The following RPS6KC1 variants were observed in gnomAD, a reference collection of about 807,000 sequenced individuals.
RPS6KC1 encodes inactive ribosomal protein S6 kinase delta-1.
Under a neutral mutation model 103.8 loss-of-function variants are expected in RPS6KC1, and 54 were observed. The observed-to-expected ratio is 0.52, with a 90% CI of 0.42 to 0.65. The LOEUF is 0.65. Among genes scored for constraint, RPS6KC1 ranks in the 30% least tolerant of loss-of-function variants. RPS6KC1 has a pLI of 0.00. For missense variants in RPS6KC1, 1,151 were observed against 1,253.8 expected (o/e 0.92, Z 1.24); for synonymous variants, 439 against 438.7 (o/e 1.00, Z -0.01).
At chr1:213,563,038 T>C in the RPS6KC1 span, among the ~76,000 whole-genome samples, 3 of 152,252 alleles carry the variant, frequency 2.0e-5, no homozygotes, top group Non-Finnish European at 4.4e-5. Flanking sequence ...TTCATTTTTC[T>C]GTCTGCCTGA....
At chr1:213,847,757 G>A in the RPS6KC1 span, among the ~76,000 whole-genome samples, 7 of 152,192 alleles carry the variant, frequency 4.6e-5, no homozygotes, top group South Asian at 1.2e-3. Context: ...CCCCATCCAG[G>A]ATCCTCTCTC....
chr1:213,291,055 T>C, the RPS6KC1 span, among the ~76,000 whole-genome samples: 1 of 152,196 alleles, frequency 6.6e-6, no homozygotes, highest in African/African-American at 2.4e-5. Flanking sequence ...CCAGGCAAGT[T>C]CTTTAAGCCC....
At chr1:213,261,664 A>G (rs755941461) in intron 13 of RPS6KC1, 24 bp downstream of exon 13, 2 of 1,590,572 alleles carry the variant, frequency 1.3e-6, no homozygotes, top group South Asian at 1.1e-5. Flanking sequence ...TGGACGTTTA[A>G]TAAATTTACT....
intron 6 of RPS6KC1, among the ~76,000 whole-genome samples, chr1:213,134,046 T>C (rs149809096): frequency 6.6e-6 from 1 of 152,238 alleles, no homozygotes; most frequent in Non-Finnish European, 1.5e-5. Context: ...TTATTTCTTG[T>C]ATGTAGCAGG....
the RPS6KC1 span, among the ~76,000 whole-genome samples, chr1:213,717,246 G>A: frequency 3.9e-5 from 6 of 152,168 alleles, no homozygotes; most frequent in Non-Finnish European, 5.9e-5. Flanking sequence ...AAGATAAATC[G>A]CATAATGGAA....
At chr1:213,810,960 A>C in the RPS6KC1 span, among the ~76,000 whole-genome samples, 2 of 152,218 alleles carry the variant, frequency 1.3e-5, no homozygotes, top group Non-Finnish European at 2.9e-5. Context: ...AATGGGGTTT[A>C]CTTCCATGGG....
chr1:213,733,286 C>G, the RPS6KC1 span, among the ~76,000 whole-genome samples: 1 of 150,638 alleles, frequency 6.6e-6, no homozygotes, highest in Non-Finnish European at 1.5e-5. Flanking sequence ...GTCACCCAGG[C>G]TGCAGTACAG....
chr1:213,125,749 ACT>A (rs1360949178), intron 5 of RPS6KC1: 1 of 151,694 alleles, frequency 6.6e-6, no homozygotes, highest in Non-Finnish European at 1.5e-5. Context: ...ACTTAATCTT[ACT>A]ATCTTTCTCT....
chr1:213,139,856 A>G (rs1201299999), intron 6 of RPS6KC1, among the ~76,000 whole-genome samples: 2 of 151,776 alleles, frequency 1.3e-5, no homozygotes, highest in Non-Finnish European at 2.9e-5. Flanking sequence ...GAATTTTAGA[A>G]TTTTTTTTCT....
At chr1:213,379,073 A>G in the RPS6KC1 span, among the ~76,000 whole-genome samples, 1 of 152,178 alleles carries the variant, frequency 6.6e-6, no homozygotes, top group Non-Finnish European at 1.5e-5. Flanking sequence ...ATTGTTGTCT[A>G]ACTTCAGGCA....
chr1:213,484,367 A>G, the RPS6KC1 span, among the ~76,000 whole-genome samples: 2 of 152,166 alleles, frequency 1.3e-5, no homozygotes, highest in Non-Finnish European at 2.9e-5. Flanking sequence ...ATCTTCTTCC[A>G]TGCTCACCCA....
intron 6 of RPS6KC1, among the ~76,000 whole-genome samples, chr1:213,147,295 C>A (rs1042234002): frequency 6.6e-6 from 1 of 152,184 alleles, no homozygotes; most frequent in Non-Finnish European, 1.5e-5. Flanking sequence ...AGATTTTCCC[C>A]AATGTTTTGT....
chr1:213,442,914 G>A, the RPS6KC1 span, among the ~76,000 whole-genome samples: 1 of 151,740 alleles, frequency 6.6e-6, no homozygotes, highest in African/African-American at 2.4e-5. Flanking sequence ...CAGTTCAGGA[G>A]TGGGCACCCA....
the RPS6KC1 span, among the ~76,000 whole-genome samples, chr1:213,301,695 T>TTACG: frequency 8.0e-6 from 1 of 125,396 alleles, no homozygotes; most frequent in Non-Finnish European, 1.8e-5. Context: ...CAAGACCCAT[T>TTACG]TACTTATTTA....
chr1:213,368,426 C>A, the RPS6KC1 span, among the ~76,000 whole-genome samples: 1 of 152,158 alleles, frequency 6.6e-6, no homozygotes, highest in East Asian at 1.9e-4. Flanking sequence ...CTATACACAG[C>A]TGAACTTCAT....
chr1:213,151,349 AC>A (rs1428878277), intron 6 of RPS6KC1, among the ~76,000 whole-genome samples: 3 of 107,886 alleles, frequency 2.8e-5, no homozygotes, highest in South Asian at 3.3e-4. Context: ...CGGGGGGCTA[AC>A]CCCCCCACCT....
chr1:213,793,309 C>T, the RPS6KC1 span, among the ~76,000 whole-genome samples: 1 of 152,226 alleles, frequency 6.6e-6, no homozygotes, highest in African/African-American at 2.4e-5. Flanking sequence ...ACAAACTCCT[C>T]TCAAAGACAC....
the RPS6KC1 span, among the ~76,000 whole-genome samples, chr1:213,344,251 A>G: frequency 1.3e-5 from 2 of 152,212 alleles, 1 homozygote; most frequent in South Asian, 4.1e-4. Flanking sequence ...GAAGTCACAT[A>G]ACTCCAAGAG....
intron 3 of RPS6KC1, among the ~76,000 whole-genome samples, chr1:213,092,363 T>C (rs932170830): frequency 2.0e-5 from 3 of 152,132 alleles, no homozygotes; most frequent in African/African-American, 7.2e-5. Flanking sequence ...AATAGGATTT[T>C]GGGGCTGTTT....
Sources: allele counts gnomAD v4.1 joint callset (sites outside exome capture counted in the v4.1 genomes callset), GRCh38; gene constraint gnomAD v4.1.1; transcripts MANE v1.5; gene names NCBI Gene and HGNC (gene_info 2026-07-23, HGNC 2026-07-21).